COG5: variants seen among roughly 807,000 people sequenced by gnomAD.
COG5 encodes the protein conserved oligomeric Golgi complex subunit 5.
In COG5, 86 loss-of-function variants were observed where a neutral mutation model predicts 110.4. The observed-to-expected ratio is 0.78, with a 90% CI of 0.65 to 0.93. The LOEUF (loss-of-function observed/expected upper bound fraction) is 0.93. Ranked by LOEUF, COG5 falls within the 40% of genes least tolerant of loss-of-function variation. The probability of loss-of-function intolerance (pLI) is 0.00; values close to 1 mark genes in which losing one functional copy is unlikely to be tolerated. For missense variants in COG5, 1,077 were observed against 987.0 expected, an observed-to-expected ratio of 1.09 and a Z score of -1.22; for synonymous variants, 360 against 334.6, an observed-to-expected ratio of 1.08 and a Z score of -0.83.
At chr7:107,364,091 G>C (rs1813379935) in intron 8 of COG5, among the ~76,000 whole-genome samples, 1 of 152,114 alleles carries the variant, frequency 6.6e-6, no homozygotes, top group Non-Finnish European at 1.5e-5. Context: ...TTAATGAAGT[G>C]ATCTAATTTA....
rs184913054 is a variant in COG5, at chr7:107,463,614, A to C, written c.539-50982T>G. 3.4e-3 allele frequency among the ~76,000 whole-genome samples: 513 copies of C among 152,320 alleles called. 3 individuals carry two copies. The highest frequency in any genetic ancestry group is 0.01 in the South Asian group (50 of 4,830). On this transcript the variant is annotated intron_variant, in intron 6 of 21. Transcript: ENST00000297135. The stretch of plus-strand genomic sequence containing the variant: ...CTGAATAGGCCCAGAGGCTCCATCT[A>C]CATTTTAGCTTTTTAAAATTTGAGT...
chr7:107,356,779 T>C lies in COG5; in HGVS notation c.1026+5254A>G, dbSNP rs146207804. Among the ~76,000 whole-genome samples the C allele has an allele frequency of 7.1e-4, 108 of 152,316 alleles. 1 individual carries two copies. The East Asian group carries it at 0.018, about 26-fold the overall frequency. Reference sequence around the variant, plus strand: ...ATATTATTTCATCCTGAACTAGTTATACTGTTTTACTTCATTTTTAAAATA... The same window carrying C: ...ATATTATTTCATCCTGAACTAGTTACACTGTTTTACTTCATTTTTAAAATA... On this transcript the variant is annotated intron_variant, in intron 10 of 21. Coordinates refer to ENST00000297135, the MANE Select transcript of COG5 (RefSeq NM_006348.5).
At chr7:107,226,421 A>G (rs1800341918) in intron 19 of COG5, among the ~76,000 whole-genome samples, 1 of 152,238 alleles carries the variant, frequency 6.6e-6, no homozygotes, top group South Asian at 2.1e-4. Flanking sequence ...TAAAGAAGAG[A>G]CAGATCTCTA....
At chr7:107,277,539 G>C (rs1187960673) in intron 14 of COG5, among the ~76,000 whole-genome samples, 3 of 152,140 alleles carry the variant, frequency 2.0e-5, no homozygotes, top group Non-Finnish European at 2.9e-5. Context: ...CCTGCTCCCA[G>C]GCATTCTAAT....
intron 11 of COG5, among the ~76,000 whole-genome samples, chr7:107,321,150 G>A (rs1436550530): frequency 6.6e-6 from 1 of 151,994 alleles, no homozygotes; most frequent in Non-Finnish European, 1.5e-5. Context: ...CAAAATACAA[G>A]TATCAATTGT....
At chr7:107,538,991 G>A (rs1801786572) in intron 5 of COG5, among the ~76,000 whole-genome samples, 2 of 152,126 alleles carry the variant, frequency 1.3e-5, no homozygotes, top group South Asian at 2.1e-4. Context: ...GACTTTAAGT[G>A]AAAACAATGG....
intron 10 of COG5, among the ~76,000 whole-genome samples, chr7:107,345,625 C>G (rs1161299053): frequency 6.6e-6 from 1 of 151,940 alleles, no homozygotes; most frequent in Non-Finnish European, 1.5e-5. Flanking sequence ...TGAAAAAGAT[C>G]TAGAGATCTG....
At chr7:107,511,015 G>A (rs1324720745) in intron 6 of COG5, among the ~76,000 whole-genome samples, 1 of 151,504 alleles carries the variant, frequency 6.6e-6, no homozygotes, top group Non-Finnish European at 1.5e-5. Context: ...ACATTCAAAA[G>A]CTAGCAGAAG....
intron 12 of COG5, among the ~76,000 whole-genome samples, chr7:107,296,718 G>C (rs1369184243): frequency 1.3e-5 from 2 of 151,486 alleles, no homozygotes; most frequent in Admixed American, 1.3e-4. Context: ...GCACGAGTCA[G>C]AACTTCCATA....
chr7:107,272,118 A>G (rs892105104), intron 14 of COG5, among the ~76,000 whole-genome samples: 1 of 152,114 alleles, frequency 6.6e-6, no homozygotes, highest in African/African-American at 2.4e-5. Flanking sequence ...AAATTCTGTG[A>G]AAGGAAAATA....
chr7:107,449,275 T>C (rs935375004), intron 6 of COG5, among the ~76,000 whole-genome samples: 2 of 152,208 alleles, frequency 1.3e-5, no homozygotes, highest in Non-Finnish European at 2.9e-5. Flanking sequence ...CAAACCACCA[T>C]GGCACATGTA....
At chr7:107,214,395 T>G (rs527601166) in intron 19 of COG5, among the ~76,000 whole-genome samples, 41 of 151,942 alleles carry the variant, frequency 2.7e-4, no homozygotes, top group Non-Finnish European at 4.4e-4. Flanking sequence ...GAGAAAGAAA[T>G]AAAAACTTTC....
chr7:107,522,397 G>GGCGGAGGTTGCGGTGA, intron 6 of COG5, among the ~76,000 whole-genome samples: 2 of 152,282 alleles, frequency 1.3e-5, no homozygotes, highest in Admixed American at 1.3e-4. Context: ...GAACCCAGGA[G>GGCGGAGGTTGCGGTGA]GCGGAGGTTG....
chr7:107,204,060 C>T (rs1475267371), intron 21 of COG5, among the ~76,000 whole-genome samples: 7 of 152,148 alleles, frequency 4.6e-5, no homozygotes, highest in Non-Finnish European at 8.8e-5. Flanking sequence ...TTGGCACATT[C>T]GGTAACACCA....
intron 6 of COG5, among the ~76,000 whole-genome samples, chr7:107,415,420 A>G (rs1792649887): frequency 6.6e-6 from 1 of 152,148 alleles, no homozygotes; most frequent in Non-Finnish European, 1.5e-5. Context: ...TTTTTTAAAA[A>G]CAAACCTTGT....
At position 107,385,845 on chromosome 7, in the gene COG5, AGG is replaced by A. The variant is rs533883593; in HGVS notation, c.670-13087_670-13086del. ...TTTTGATGGACACCTTAATGGGTGG[AGG>A]TAATATCCCATTGTGGTTTTAATTT... On this transcript the variant is annotated intron_variant, in intron 7 of 21. Coordinates refer to ENST00000297135, the MANE Select transcript of COG5 (RefSeq NM_006348.5). Among the ~76,000 whole-genome samples the A allele has an allele frequency of 4.6e-3, 629 of 137,216 alleles. 6 individuals carry two copies. Among genetic ancestry groups the A allele is most frequent in the African/African-American group, 0.017 (614 of 35,990 alleles). The allele number at this position is 137,216 out of a possible 152,430, so 90.0% of individuals were successfully genotyped here.
intron 7 of COG5, among the ~76,000 whole-genome samples, chr7:107,408,153 T>C (rs1792000744): frequency 2.0e-5 from 3 of 152,236 alleles, no homozygotes; most frequent in Non-Finnish European, 4.4e-5. Context: ...GGTTTATTGC[T>C]TGTTTTTGCT....
intron 6 of COG5, among the ~76,000 whole-genome samples, chr7:107,463,671 A>C (rs1348323700): frequency 6.6e-6 from 1 of 152,204 alleles, no homozygotes; most frequent in Non-Finnish European, 1.5e-5. Context: ...CAGACCAAGG[A>C]ATTTAACATA....
intron 21 of COG5, chr7:107,210,251 A>G: frequency 7.7e-7 from 1 of 1,290,682 alleles, no homozygotes; most frequent in Non-Finnish European, 9.8e-7. Flanking sequence ...ATGATTTTCA[A>G]AGGTACAAAT....
Sources: allele counts gnomAD v4.1 joint callset (sites outside exome capture counted in the v4.1 genomes callset), GRCh38; gene constraint gnomAD v4.1.1; transcripts MANE v1.5; gene names NCBI Gene and HGNC (gene_info 2026-07-23, HGNC 2026-07-21).